The following CHST9 variants were observed in gnomAD, a reference collection of about 807,000 sequenced individuals.
The protein encoded by CHST9 is carbohydrate sulfotransferase 9, also known as GalNAc-4-sulfotransferase 2.
CHST9 carries 41 observed loss-of-function variants against 44.4 expected under a neutral mutation model. That is an observed-to-expected ratio of 0.92 (90% CI 0.72 to 1.20). CHST9 has a LOEUF of 1.20. Ranked by LOEUF, CHST9 falls within the 50% of genes most tolerant of loss-of-function variation. The probability of loss-of-function intolerance (pLI) is 0.00; values close to 1 mark genes in which losing one functional copy is unlikely to be tolerated. For synonymous variants in CHST9, 171 were observed against 178.4 expected (o/e 0.96, Z 0.33); for missense variants, 504 against 516.5 (o/e 0.98, Z 0.23).
intron 2 of CHST9, among the ~76,000 whole-genome samples, chr18:27,123,973 G>A (rs9958672): frequency 0.011 from 1,608 of 152,266 alleles, 24 homozygotes; most frequent in African/African-American, 0.033. Context: ...GCGGACAGAC[G>A]TATGCCCTTA....
intron 3 of CHST9, among the ~76,000 whole-genome samples, chr18:27,028,363 C>T (rs2057305123): frequency 6.6e-6 from 1 of 152,156 alleles, no homozygotes; most frequent in Non-Finnish European, 1.5e-5. Flanking sequence ...ACTGGCACAG[C>T]ACATCTGGGT....
chr18:27,096,060 A>G (rs1323726130), intron 2 of CHST9, among the ~76,000 whole-genome samples: 1 of 152,122 alleles, frequency 6.6e-6, no homozygotes, highest in Non-Finnish European at 1.5e-5. Flanking sequence ...ATAAATTCCA[A>G]AAAATAGAAA....
chr18:27,177,103 C>A (rs1044295568), intron 1 of CHST9, among the ~76,000 whole-genome samples: 2 of 151,852 alleles, frequency 1.3e-5, no homozygotes, highest in Non-Finnish European at 2.9e-5. Flanking sequence ...AATAAAAATT[C>A]CTAATTGAAA....
At chr18:27,103,242 A>T (rs1415107321) in intron 2 of CHST9, among the ~76,000 whole-genome samples, 1 of 152,200 alleles carries the variant, frequency 6.6e-6, no homozygotes, top group East Asian at 1.9e-4. Flanking sequence ...TAGAATCAGA[A>T]TCAACACCTA....
chr18:26,997,557 A>G (rs900771261), intron 4 of CHST9, among the ~76,000 whole-genome samples: 5 of 152,208 alleles, frequency 3.3e-5, no homozygotes, highest in African/African-American at 1.2e-4. Context: ...CTTGACATGC[A>G]TCTTAGACAA....
chr18:27,022,321 C>T (rs1366700331), intron 4 of CHST9, among the ~76,000 whole-genome samples: 2 of 152,080 alleles, frequency 1.3e-5, no homozygotes, highest in African/African-American at 2.4e-5. Flanking sequence ...TTAAACTCAT[C>T]TTAGTTTTTC....
intron 2 of CHST9, among the ~76,000 whole-genome samples, chr18:27,123,549 GA>G (rs921921721): frequency 6.6e-6 from 1 of 151,892 alleles, no homozygotes; most frequent in Admixed American, 6.6e-5. Context: ...TACAGGAGCA[GA>G]AAAAAAAGAG....
intron 5 of CHST9, among the ~76,000 whole-genome samples, chr18:26,921,526 T>G (rs1184700004): frequency 6.6e-6 from 1 of 152,156 alleles, no homozygotes; most frequent in African/African-American, 2.4e-5. Context: ...ATAAAAGCTG[T>G]TATTCGGGTT....
intron 1 of CHST9, among the ~76,000 whole-genome samples, chr18:27,160,671 T>C (rs1166025038): frequency 7.2e-5 from 11 of 152,224 alleles, no homozygotes; most frequent in Admixed American, 7.2e-4. Context: ...ATTGGAATAG[T>C]TTCAGAAGGA....
intron 2 of CHST9, among the ~76,000 whole-genome samples, chr18:27,096,019 T>G (rs988051804): frequency 6.6e-6 from 1 of 152,062 alleles, no homozygotes; most frequent in Non-Finnish European, 1.5e-5. Flanking sequence ...TACTCCAAGA[T>G]TGACCACATG....
chr18:27,077,710 A>G (rs2057919036), intron 2 of CHST9, among the ~76,000 whole-genome samples: 1 of 152,228 alleles, frequency 6.6e-6, no homozygotes, highest in Admixed American at 6.5e-5. Context: ...AGGAAAACTT[A>G]TAACTTGCCA....
At chr18:27,101,392 C>G (rs998118034) in intron 2 of CHST9, among the ~76,000 whole-genome samples, 1 of 151,814 alleles carries the variant, frequency 6.6e-6, no homozygotes, top group African/African-American at 2.4e-5. Flanking sequence ...GAGATCAAGA[C>G]CATACTGGCT....
chr18:27,176,140 A>C (rs1307544469), intron 1 of CHST9, among the ~76,000 whole-genome samples: 2 of 152,126 alleles, frequency 1.3e-5, no homozygotes, highest in East Asian at 1.9e-4. Flanking sequence ...GCATCTAAAG[A>C]GATAAAAGTG....
chr18:26,975,214 G>A (rs2056602399), intron 4 of CHST9, among the ~76,000 whole-genome samples: 1 of 152,158 alleles, frequency 6.6e-6, no homozygotes, highest in South Asian at 2.1e-4. Context: ...TCCAGGAGAA[G>A]CCAGTGAGGG....
chr18:26,927,170 G>A (rs1353668910), intron 5 of CHST9, among the ~76,000 whole-genome samples: 2 of 152,138 alleles, frequency 1.3e-5, no homozygotes, highest in East Asian at 1.9e-4. Context: ...GGAATGTGGT[G>A]AAGAGGAAGG....
chr18:27,156,431 A>C (rs2143912670), intron 1 of CHST9, among the ~76,000 whole-genome samples: 1 of 152,282 alleles, frequency 6.6e-6, no homozygotes, highest in Non-Finnish European at 1.5e-5. Flanking sequence ...CAGTGATGAC[A>C]GTACATGAGT....
intron 2 of CHST9, among the ~76,000 whole-genome samples, chr18:27,081,816 A>G (rs369565639): frequency 2.6e-5 from 4 of 152,210 alleles, no homozygotes; most frequent in Non-Finnish European, 4.4e-5. Flanking sequence ...TGTTAATTCT[A>G]TCTTGTTTGC....
At position 26,917,111 on chromosome 18, in the gene CHST9, T is replaced by C; in HGVS notation, c.480A>G (p.Lys160=). 1 of 1,613,930 alleles carries C rather than the reference T, an allele frequency of 6.2e-7. No homozygotes were observed. The highest frequency in any genetic ancestry group is 1.1e-5 in the South Asian group (1 of 91,076). Residue 160 remains lysine, a synonymous_variant, in exon 6 of 6, where the codon AAA becomes AAG. Coordinates refer to ENST00000618847, the MANE Select transcript of CHST9 (RefSeq NM_031422.6). ...TCCATTTATTATCTTTGACTAAACT[T>C]TTGTTTAAAGGGTGAATGTCCACTG... is the stretch of plus-strand genomic sequence containing the variant. The part of the protein sequence containing the change: ...NWPVDIHPLN[K]SLVKDNKWKK...
intron 2 of CHST9, among the ~76,000 whole-genome samples, chr18:27,111,685 A>T (rs985333992): frequency 1.3e-5 from 2 of 152,242 alleles, no homozygotes; most frequent in Middle Eastern, 3.2e-3. Flanking sequence ...ATGCCCACAT[A>T]GCTGGTTAAA....
Sources: allele counts gnomAD v4.1 joint callset (sites outside exome capture counted in the v4.1 genomes callset), GRCh38; gene constraint gnomAD v4.1.1; transcripts MANE v1.5; gene names NCBI Gene and HGNC (gene_info 2026-07-23, HGNC 2026-07-21).